The following FXYD5 variants were observed in gnomAD, a reference collection of about 807,000 sequenced individuals.
FXYD5 encodes the protein FXYD domain containing ion transport regulator 5, also known as FXYD domain-containing ion transport regulator 5.
In FXYD5, 21 loss-of-function variants were observed where a neutral mutation model predicts 25.7. The observed-to-expected ratio is 0.82, with a 90% confidence interval of 0.58 to 1.18. The LOEUF (loss-of-function observed/expected upper bound fraction) is 1.18. FXYD5 is among the 50% of genes most tolerant of loss of function. FXYD5 has a pLI of 0.00. For missense variants in FXYD5, 229 were observed against 227.7 expected (o/e 1.01, Z -0.04); for synonymous variants, 101 against 90.7 (o/e 1.11, Z -0.64).
chr19:35,163,067 C>T (rs1456474914), intron 5 of FXYD5, among the ~76,000 whole-genome samples: 1 of 152,192 alleles, frequency 6.6e-6, no homozygotes, highest in Non-Finnish European at 1.5e-5. Context: ...CTCAGCTTGC[C>T]CTAGGCAATA....
rs528198927 is a variant in FXYD5 at position 35,163,925 on chromosome 19, G to A, written c.293-231G>A. 1.5e-5 allele frequency: 20 copies of A among 1,353,860 alleles called. No individual in the cohort carries two copies. The African/African-American group carries it at 1.9e-4, about 13-fold the overall frequency. The allele number at this position is 1,353,860 out of a possible 1,614,324, so 83.9% of individuals were successfully genotyped here. A position where few individuals can be genotyped will look rare whatever the true frequency, so the allele number is the denominator to read the frequency against. On this transcript the variant is annotated intron_variant, in intron 5 of 8. Coordinates refer to ENST00000392219, the MANE Select transcript of FXYD5 (RefSeq NM_014164.6). The stretch of plus-strand genomic sequence containing the variant: ...GGAGAGGGGTCTGGAGTCCCTCGGG[G>A]ATTGAGGCAGATCAGATAGTCGCAA...
chr19:35,159,924 C>T (rs1402172700), intron 4 of FXYD5: 2 of 274,538 alleles, frequency 7.3e-6, no homozygotes, highest in Non-Finnish European at 1.4e-5. Context: ...GCCCTCCTGC[C>T]GCCCAGGCAC....
chr19:35,168,696 C>T (rs950005190), intron 8 of FXYD5, among the ~76,000 whole-genome samples: 2 of 152,138 alleles, frequency 1.3e-5, no homozygotes, highest in Non-Finnish European at 2.9e-5. Flanking sequence ...AAGGCCTTTG[C>T]GCTGCTGTTC....
At chr19:35,166,010 G>A (rs960813362) in intron 6 of FXYD5, 132 bp from the exon 7 acceptor site, 1 of 802,776 alleles carries the variant, frequency 1.2e-6, no homozygotes. Context: ...GAGCCAGATT[G>A]TGTGCCATGG....
chr19:35,155,524 T>C, intron 1 of FXYD5, 27 bp from the exon 2 acceptor site: 4 of 1,600,208 alleles, frequency 2.5e-6, no homozygotes, highest in Non-Finnish European at 3.4e-6. Context: ...ACATCATGGC[T>C]GACCCCAGCA....
At position 35,169,720 on chromosome 19, in the gene FXYD5, G is replaced by T; in HGVS notation, c.*105G>T. The T allele has an allele frequency of 1.3e-6, 1 of 759,386 alleles. No homozygotes were observed. 47.0% of individuals were successfully genotyped at this position (759,386 alleles called of 1,614,324 possible). A position where few individuals can be genotyped will look rare whatever the true frequency, so the allele number is the denominator to read the frequency against. The stretch of plus-strand genomic sequence containing the variant: ...TGCATCCCCTCGAAGAGCCTGGCCA[G>T]AGAGGGAAGACACAGATGATGAAGC... On this transcript the variant is annotated 3_prime_UTR_variant, in exon 9 of 9. Transcript: ENST00000392219.
rs749832987 is a variant in FXYD5, at chr19:35,155,537, G to C, written c.1-14G>C. ...TGACATCATGGCTGACCCCAGCATC[G>C]CCTGGTCCCACAGATGTCGCCCTCT... On this transcript the variant is annotated splice_polypyrimidine_tract_variant and intron_variant, in intron 1 of 8. Transcript: ENST00000392219. The C allele has an allele frequency of 1.2e-6, 2 of 1,606,892 alleles. No individual in the cohort carries two copies. Among genetic ancestry groups the C allele is most frequent in the African/African-American group, 2.7e-5 (2 of 74,874 alleles).
intron 8 of FXYD5, among the ~76,000 whole-genome samples, chr19:35,167,097 C>G (rs954089907): frequency 6.6e-6 from 1 of 152,208 alleles, no homozygotes; most frequent in Admixed American, 6.5e-5. Context: ...TCTGTAAAAT[C>G]TTTTGGTACT....
At chr19:35,157,553 C>A (rs1460259359) in intron 3 of FXYD5, 52 bp downstream of exon 3, 3 of 927,684 alleles carry the variant, frequency 3.2e-6, no homozygotes. Flanking sequence ...ATAACAACAG[C>A]AACAAAAATC....
chr19:35,169,402 C>A (rs1302033114), intron 8 of FXYD5, among the ~76,000 whole-genome samples, 164 bp from the exon 9 acceptor site: 1 of 151,746 alleles, frequency 6.6e-6, no homozygotes, highest in African/African-American at 2.4e-5. Context: ...TCGCAGGGCC[C>A]CAGCACTGGC....
At chr19:35,159,112 G>T (rs2145414456) in intron 4 of FXYD5, among the ~76,000 whole-genome samples, 1 of 150,656 alleles carries the variant, frequency 6.6e-6, no homozygotes, top group Non-Finnish European at 1.5e-5. Flanking sequence ...GGGCAACAGA[G>T]CGAAACCCTG....
At chr19:35,163,586 A>G (rs139469297) in intron 5 of FXYD5, among the ~76,000 whole-genome samples, 25 of 152,010 alleles carry the variant, frequency 1.6e-4, no homozygotes, top group African/African-American at 5.8e-4. Flanking sequence ...AGTTCAGGCA[A>G]TTCTCCTGCC....
At chr19:35,164,542 T>A (rs1457001229) in intron 6 of FXYD5, among the ~76,000 whole-genome samples, 1 of 152,242 alleles carries the variant, frequency 6.6e-6, no homozygotes, top group Non-Finnish European at 1.5e-5. Context: ...GGCTGGTTCT[T>A]CTGGTTTCAG....
intron 5 of FXYD5, among the ~76,000 whole-genome samples, chr19:35,162,653 C>T (rs971528167): frequency 1.3e-5 from 2 of 152,224 alleles, no homozygotes; most frequent in South Asian, 4.1e-4. Flanking sequence ...CCCTAATTAC[C>T]TCCCAAAGGC....
chr19:35,166,101 C>G (rs370147065), intron 6 of FXYD5, 41 bp from the exon 7 acceptor site: 1 of 1,608,584 alleles, frequency 6.2e-7, no homozygotes, highest in East Asian at 2.2e-5. Flanking sequence ...ACTTCACAAA[C>G]CTTTGCTGAA....
At chr19:35,161,125 G>A (rs1398491022) in intron 5 of FXYD5, among the ~76,000 whole-genome samples, 1 of 151,960 alleles carries the variant, frequency 6.6e-6, no homozygotes, top group Non-Finnish European at 1.5e-5. Flanking sequence ...GGAGGGCTGG[G>A]GCTATAGAAT....
At chr19:35,156,719 G>A (rs1467812893) in intron 2 of FXYD5, 1 of 152,922 alleles carries the variant, frequency 6.5e-6, no homozygotes, top group African/African-American at 2.4e-5. Context: ...GGACCAGATG[G>A]AGGAGGACTT....
chr19:35,158,445 C>G, intron 4 of FXYD5, 45 bp downstream of exon 4: 1 of 1,163,018 alleles, frequency 8.6e-7, no homozygotes, highest in Non-Finnish European at 1.3e-6. Context: ...CCAAGACAAA[C>G]AAAGTTTCCC....
chr19:35,157,385 A>AG, intron 2 of FXYD5, 36 bp from the exon 3 acceptor site: 1 of 1,161,658 alleles, frequency 8.6e-7, no homozygotes, highest in Non-Finnish European at 1.3e-6. Context: ...GAGGGGGACC[A>AG]GGCTCCCTCC....
Sources: allele counts gnomAD v4.1 joint callset (sites outside exome capture counted in the v4.1 genomes callset), GRCh38; gene constraint gnomAD v4.1.1; transcripts MANE v1.5; gene names NCBI Gene and HGNC (gene_info 2026-07-23, HGNC 2026-07-21).